IAPP: variants seen among roughly 807,000 people sequenced by gnomAD.
IAPP encodes the protein Islet amyloid polypeptide (diabetes-associated peptide; amylin).
A neutral mutation model predicts 2.9 loss-of-function variants in IAPP; 4 were observed. That is an observed-to-expected ratio of 1.39 (90% CI 0.69 to 3.19). IAPP has a LOEUF of 3.19. Ranked by LOEUF, IAPP falls within the 30% of genes most tolerant of loss-of-function variation. IAPP has a pLI of 0.01. For missense variants in IAPP, 114 were observed against 105.3 expected (o/e 1.08, Z -0.36); for synonymous variants, 40 against 42.1 (o/e 0.95, Z 0.19).
chr12:21,378,006 T>C (rs1940327436), intron 2 of IAPP, among the ~76,000 whole-genome samples: 1 of 152,190 alleles, frequency 6.6e-6, no homozygotes, highest in Non-Finnish European at 1.5e-5. Flanking sequence ...GACTTTTAAC[T>C]GAGAAATGCA....
upstream of IAPP, among the ~76,000 whole-genome samples, chr12:21,368,124 T>G (rs1028526257): frequency 6.6e-6 from 1 of 152,152 alleles, no homozygotes; most frequent in Non-Finnish European, 1.5e-5. Context: ...CTGATCATTT[T>G]TAACCTCATA....
At chr12:21,356,055 C>T (rs950790314) in intron 1 of IAPP, among the ~76,000 whole-genome samples, 25 of 151,764 alleles carry the variant, frequency 1.6e-4, no homozygotes, top group African/African-American at 5.8e-4. Context: ...CAAATAAAGA[C>T]CCTGTATAAT....
At chr12:21,378,106 C>A in intron 2 of IAPP, 131 bp from the exon 3 acceptor site, 2 of 801,348 alleles carry the variant, frequency 2.5e-6, no homozygotes, top group Non-Finnish European at 4.0e-6. Context: ...TGTTTGCAAA[C>A]CAAAACACTG....
intron 2 of IAPP, chr12:21,376,191 T>C (rs770922785): frequency 1.2e-4 from 18 of 154,532 alleles, no homozygotes; most frequent in Non-Finnish European, 8.7e-5. Flanking sequence ...ATTATCAAAA[T>C]ACCACTCAGC....
chr12:21,357,720 T>A (rs563823147), intron 1 of IAPP, among the ~76,000 whole-genome samples: 35 of 151,650 alleles, frequency 2.3e-4, no homozygotes, highest in Admixed American at 1.4e-3. Context: ...CTGTGTTTAT[T>A]TTTTTTGTTT....
chr12:21,373,288 T>C lies in IAPP; in HGVS notation c.-15-49T>C. The C allele has an allele frequency of 2.7e-6, 3 of 1,097,594 alleles. No individual in the cohort carries two copies. The South Asian group carries it at 3.7e-5, about 14-fold the overall frequency. The allele number at this position is 1,097,594 out of a possible 1,614,324, so 68.0% of individuals were successfully genotyped here. The stretch of plus-strand genomic sequence containing the variant: ...AGCTCTAATTTAAAATTACATCAAT[T>C]AGAACTGTAAGAAATCTCTTGATTT... On this transcript the variant is annotated intron_variant, in intron 1 of 2. Coordinates refer to ENST00000240652, the MANE Select transcript of IAPP (RefSeq NM_000415.3).
upstream of IAPP, among the ~76,000 whole-genome samples, chr12:21,368,419 G>C (rs1459594565): frequency 6.6e-6 from 1 of 151,988 alleles, no homozygotes; most frequent in East Asian, 1.9e-4. Flanking sequence ...GAGTCACACA[G>C]AGCAACCAAA....
At chr12:21,361,369 CA>C in intron 1 of IAPP, among the ~76,000 whole-genome samples, 1 of 152,226 alleles carries the variant, frequency 6.6e-6, no homozygotes, top group East Asian at 1.9e-4. Context: ...ACATCCACAC[CA>C]AAACCCCATC....
At chr12:21,359,746 TAA>T (rs35529364) in intron 1 of IAPP, among the ~76,000 whole-genome samples, 5 of 140,112 alleles carry the variant, frequency 3.6e-5, no homozygotes, top group Non-Finnish European at 4.7e-5. Context: ...GACTCCGTCT[TAA>T]AAAAAAAAAA....
rs754564502 is a variant in IAPP at position 21,373,389 on chromosome 12, T to C, written c.38T>C (p.Leu13Pro). The change falls in exon 2 of 3, where the codon CTC becomes CCC. Residue 13 changes from leucine (L) to proline (P), a missense_variant. By Grantham distance (98) the Leu-to-Pro change is moderately conservative. Coordinates refer to ENST00000240652, the MANE Select transcript of IAPP (RefSeq NM_000415.3). Reference protein sequence around the residue: ...ILKLQVFLIVLSVALNHLKAT... With the variant: ...ILKLQVFLIVPSVALNHLKAT... ...AAGCTGCAAGTATTTCTCATTGTGCTCTCTGTTGCATTGAACCATCTGAAA... is the reference window on the plus strand; with the variant it reads ...AAGCTGCAAGTATTTCTCATTGTGCCCTCTGTTGCATTGAACCATCTGAAA... 3 of 1,613,560 alleles carry C rather than the reference T, an allele frequency of 1.9e-6. No individual in the cohort carries two copies. The African/African-American group carries it at 4.0e-5, about 22-fold the overall frequency.
At chr12:21,377,719 G>A (rs1038841346) in intron 2 of IAPP, among the ~76,000 whole-genome samples, 4 of 152,134 alleles carry the variant, frequency 2.6e-5, no homozygotes, top group Non-Finnish European at 4.4e-5. Flanking sequence ...TCATCCGTGT[G>A]TTGCATATTG....
At chr12:21,358,946 A>G (rs1938592738) in intron 1 of IAPP, among the ~76,000 whole-genome samples, 1 of 152,232 alleles carries the variant, frequency 6.6e-6, no homozygotes, top group Non-Finnish European at 1.5e-5. Context: ...AACAGGCTGA[A>G]GATATTCACA....
At chr12:21,357,196 T>C (rs1938436383) in intron 1 of IAPP, among the ~76,000 whole-genome samples, 1 of 152,300 alleles carries the variant, frequency 6.6e-6, no homozygotes, top group African/African-American at 2.4e-5. Flanking sequence ...CAGAGTTATT[T>C]CCAAAGTAAT....
chr12:21,360,163 T>G (rs1023747647), intron 1 of IAPP, among the ~76,000 whole-genome samples: 7 of 152,094 alleles, frequency 4.6e-5, no homozygotes, highest in Non-Finnish European at 8.8e-5. Context: ...AATGAGGAAG[T>G]GTAACGAGAT....
rs1022984376 is a variant in IAPP at position 21,378,182 on chromosome 12, G to T, written c.81-55G>T. The T allele has an allele frequency of 2.0e-6, 3 of 1,487,090 alleles. No homozygotes were observed. The Admixed American group carries it at 5.0e-5, about 25-fold the overall frequency. 92.1% of individuals were successfully genotyped at this position (1,487,090 alleles called of 1,614,324 possible). ...ACAAGATATTTGATGTCACATGGCT[G>T]GATCCAGCTAAAATTCTAAGGCTCT... On this transcript the variant is annotated intron_variant, in intron 2 of 2. Transcript: ENST00000240652.
At chr12:21,368,768 C>A (rs1169264040), upstream of IAPP, among the ~76,000 whole-genome samples, 1 of 151,898 alleles carries the variant, frequency 6.6e-6, no homozygotes, top group East Asian at 1.9e-4. Flanking sequence ...CCAAAAGAAA[C>A]ACTTTAAAAT....
At chr12:21,359,948 T>C (rs930149109) in intron 1 of IAPP, among the ~76,000 whole-genome samples, 2 of 152,062 alleles carry the variant, frequency 1.3e-5, no homozygotes, top group African/African-American at 4.8e-5. Flanking sequence ...AATGAAACAC[T>C]ACTCCACAAT....
At chr12:21,358,972 G>A (rs923685558) in intron 1 of IAPP, among the ~76,000 whole-genome samples, 3 of 152,110 alleles carry the variant, frequency 2.0e-5, no homozygotes, top group African/African-American at 7.2e-5. Context: ...TTGGAAGGTG[G>A]CAAAAGACTG....
intron 2 of IAPP, among the ~76,000 whole-genome samples, chr12:21,374,144 C>T (rs972026032): frequency 3.9e-5 from 6 of 152,064 alleles, no homozygotes; most frequent in Admixed American, 1.3e-4. Flanking sequence ...AGTCTTATTA[C>T]GAAAGGTTTC....
Sources: allele counts gnomAD v4.1 joint callset (sites outside exome capture counted in the v4.1 genomes callset), GRCh38; gene constraint gnomAD v4.1.1; transcripts MANE v1.5; gene names NCBI Gene and HGNC (gene_info 2026-07-23, HGNC 2026-07-21).